The following PRKCE variants were observed in gnomAD, a reference collection of about 807,000 sequenced individuals.
PRKCE encodes the protein protein kinase C epsilon, also known as protein kinase C epsilon type.
In PRKCE, 16 loss-of-function variants were observed where a neutral mutation model predicts 85.4. The observed-to-expected ratio is 0.19, with a 90% CI of 0.13 to 0.28. The LOEUF (loss-of-function observed/expected upper bound fraction) is 0.28, where lower values mean the gene tolerates loss of function less well. Ranked by LOEUF, PRKCE falls within the 10% of genes least tolerant of loss-of-function variation. PRKCE has a pLI of 1.00. For missense variants in PRKCE, 573 were observed against 975.2 expected (o/e 0.59, Z 5.49); for synonymous variants, 388 against 371.5 (o/e 1.04, Z -0.51).
At chr2:45,832,452 A>G (rs1320659516) in intron 1 of PRKCE, among the ~76,000 whole-genome samples, 1 of 151,934 alleles carries the variant, frequency 6.6e-6, no homozygotes, top group East Asian at 1.9e-4. Context: ...AGCTGGGACT[A>G]CAGGTGCACT....
In PRKCE at chr2:45,928,593, G is replaced by A. The variant is rs968755122; in HGVS notation, c.413-47836G>A. On this transcript the variant is annotated intron_variant, in intron 2 of 14. Coordinates refer to ENST00000306156, the MANE Select transcript of PRKCE (RefSeq NM_005400.3). The stretch of plus-strand genomic sequence containing the variant: ...CCCATAACTTTACACTTCTCTGGAC[G>A]TACTGTTTCATTTTAGTCCTTCCAC... Among the ~76,000 whole-genome samples the A allele has an allele frequency of 3.1e-4, 47 of 152,156 alleles. 1 individual carries two copies. The highest frequency in any genetic ancestry group is 1.0e-4 in the Non-Finnish European group (7 of 68,034).
chr2:45,739,771 T>C (rs1477434151), intron 1 of PRKCE, among the ~76,000 whole-genome samples: 1 of 152,110 alleles, frequency 6.6e-6, no homozygotes, highest in Non-Finnish European at 1.5e-5. Flanking sequence ...ATGGTGGTGG[T>C]GGTTACAAGA....
intron 1 of PRKCE, among the ~76,000 whole-genome samples, chr2:45,662,882 A>AGGAG (rs959805000): frequency 6.6e-6 from 1 of 152,092 alleles, no homozygotes; most frequent in Non-Finnish European, 1.5e-5. Flanking sequence ...CAAGCAAGCA[A>AGGAG]GCAAGCAAGC....
At chr2:45,849,657 C>A (rs1421670120) in intron 2 of PRKCE, among the ~76,000 whole-genome samples, 12 of 152,186 alleles carry the variant, frequency 7.9e-5, no homozygotes, top group Non-Finnish European at 2.9e-5. Flanking sequence ...GTTCACCACA[C>A]AGACTCCCTA....
intron 1 of PRKCE, among the ~76,000 whole-genome samples, chr2:45,654,455 T>A (rs1675286588): frequency 6.6e-6 from 1 of 152,216 alleles, no homozygotes; most frequent in Non-Finnish European, 1.5e-5. Context: ...AGAAGCTAGT[T>A]GGGGACCGAG....
At chr2:45,815,488 G>C (rs1026637842) in intron 1 of PRKCE, among the ~76,000 whole-genome samples, 5 of 152,130 alleles carry the variant, frequency 3.3e-5, no homozygotes, top group African/African-American at 1.2e-4. Context: ...CTCCTGTCAG[G>C]TTCCAATCCC....
chr2:45,760,818 G>A (rs1684407939), intron 1 of PRKCE, among the ~76,000 whole-genome samples: 1 of 152,124 alleles, frequency 6.6e-6, no homozygotes, highest in Admixed American at 6.5e-5. Flanking sequence ...TAATTACCCT[G>A]TCTGGGTATC....
chr2:45,786,158 G>A lies in PRKCE; in HGVS notation c.349-56842G>A, dbSNP rs1686589119. On this transcript the variant is annotated intron_variant, in intron 1 of 14. Coordinates refer to ENST00000306156, the MANE Select transcript of PRKCE (RefSeq NM_005400.3). The surrounding 1 kb of genome is among the most constrained non-coding windows in gnomAD (Gnocchi z 5.3). Reference sequence around the variant, plus strand: ...AATGAGCAATGTATTATTAGCAAGGGGCATTGATTGCAGTCTGCCAGTGAC... The same window carrying A: ...AATGAGCAATGTATTATTAGCAAGGAGCATTGATTGCAGTCTGCCAGTGAC... Among the ~76,000 whole-genome samples the A allele has an allele frequency of 1.3e-5, 2 of 152,118 alleles. No individual in the cohort carries two copies. The highest frequency in any genetic ancestry group is 1.3e-4 in the Admixed American group (2 of 15,276).
intron 2 of PRKCE, among the ~76,000 whole-genome samples, chr2:45,853,837 T>A (rs1216834501): frequency 6.6e-6 from 1 of 152,184 alleles, no homozygotes; most frequent in Admixed American, 6.5e-5. Context: ...TATCGGATAC[T>A]TACTAGGGAC....
At chr2:45,673,713 G>A (rs991824010) in intron 1 of PRKCE, among the ~76,000 whole-genome samples, 1 of 152,148 alleles carries the variant, frequency 6.6e-6, no homozygotes, top group Non-Finnish European at 1.5e-5. Context: ...GAAAAGCTTA[G>A]GTTGAACAAG....
intron 1 of PRKCE, among the ~76,000 whole-genome samples, chr2:45,831,443 G>A (rs915502493): frequency 6.6e-6 from 1 of 152,198 alleles, no homozygotes; most frequent in South Asian, 2.1e-4. Flanking sequence ...AATGCTGGAA[G>A]CACTAATGTC....
intron 1 of PRKCE, among the ~76,000 whole-genome samples, chr2:45,802,470 T>C (rs1422198256): frequency 1.3e-5 from 2 of 152,186 alleles, no homozygotes; most frequent in African/African-American, 2.4e-5. Flanking sequence ...TCTACTGTAA[T>C]TGATGTGAAT....
chr2:45,723,704 AAGCG>A (rs1680817056), intron 1 of PRKCE, among the ~76,000 whole-genome samples: 1 of 152,090 alleles, frequency 6.6e-6, no homozygotes, highest in African/African-American at 2.4e-5. Flanking sequence ...TTCCGGTTTC[AAGCG>A]ATTCTCCTGC....
rs544067041 is a variant in PRKCE at position 46,077,074 on chromosome 2, G to A, written c.1438-9134G>A. 2.0e-5 allele frequency among the ~76,000 whole-genome samples: 3 copies of A among 152,136 alleles called. No homozygotes were observed. The South Asian group carries it at 6.2e-4, about 32-fold the overall frequency. On this transcript the variant is annotated intron_variant, in intron 10 of 14. Transcript: ENST00000306156. ...GATGATAAGTCCTAGTGATTTGCTGGGCAGCATAGTGCCAATTTCACAATA... is the reference window on the plus strand; with the variant it reads ...GATGATAAGTCCTAGTGATTTGCTGAGCAGCATAGTGCCAATTTCACAATA...
intron 2 of PRKCE, among the ~76,000 whole-genome samples, chr2:45,867,231 G>A (rs72801075): frequency 0.053 from 8,042 of 152,284 alleles, 267 homozygotes; most frequent in Middle Eastern, 0.1. Context: ...CACCTAAGAG[G>A]TTTGTTGCTT....
In PRKCE at chr2:45,747,318, C is replaced by T. The variant is rs190268115; in HGVS notation, c.348+94870C>T. On this transcript the variant is annotated intron_variant, in intron 1 of 14. Transcript: ENST00000306156. ...ACATGCACTCTCCAGAACTCTTTTA[C>T]CTTGCAAATCTGAAACCCAGTACCT... Among the ~76,000 whole-genome samples, 15 of 152,304 alleles carry T rather than the reference C, an allele frequency of 9.8e-5. No individual in the cohort carries two copies. In the East Asian group the frequency reaches 2.7e-3, roughly 27 times the overall value.
chr2:46,089,282 G>A (rs1268419107), intron 11 of PRKCE, among the ~76,000 whole-genome samples: 4 of 152,144 alleles, frequency 2.6e-5, no homozygotes, highest in East Asian at 3.8e-4. Context: ...TGTATATCCA[G>A]CATTCCTCTA....
At position 46,155,794 on chromosome 2, in the gene PRKCE, CCTT is replaced by C. The variant is rs1205283468; in HGVS notation, c.1921-3809_1921-3807del. Among the ~76,000 whole-genome samples, 1 of 152,142 alleles carries C rather than the reference CCTT, an allele frequency of 6.6e-6. No homozygotes were observed. The highest frequency in any genetic ancestry group is 6.5e-5 in the Admixed American group (1 of 15,282). ...TTCCATTTGAGTTACCTTTCTCCAT[CCTT>C]CTCCCCACTATCCCCATTGGAGCCA... is the stretch of plus-strand genomic sequence containing the variant. On this transcript the variant is annotated intron_variant, in intron 13 of 14. Transcript: ENST00000306156. The surrounding 1 kb of genome is among the most constrained non-coding windows in gnomAD (Gnocchi z 4.7).
intron 10 of PRKCE, among the ~76,000 whole-genome samples, chr2:46,018,664 C>G (rs1706378649): frequency 1.3e-5 from 2 of 152,196 alleles, no homozygotes; most frequent in African/African-American, 2.4e-5. Flanking sequence ...GAACAATTCA[C>G]ATGACTACTA....
Sources: allele counts gnomAD v4.1 joint callset (sites outside exome capture counted in the v4.1 genomes callset), GRCh38; gene constraint gnomAD v4.1.1; non-coding constraint Gnocchi (gnomAD v3.1); transcripts MANE v1.5; gene names NCBI Gene and HGNC (gene_info 2026-07-23, HGNC 2026-07-21).